Variants in TSC2 observed in about 807,000 individuals in gnomAD.
TSC2 encodes the protein tuberin.
In TSC2, 29 loss-of-function variants were observed where a neutral mutation model predicts 202.2. The observed-to-expected ratio is 0.14, with a 90% CI of 0.11 to 0.20. The LOEUF (loss-of-function observed/expected upper bound fraction) is 0.20, where lower values mean the gene tolerates loss of function less well. Among genes scored for constraint, TSC2 ranks in the 10% least tolerant of loss-of-function variants. The probability of loss-of-function intolerance (pLI) is 1.00; values close to 1 mark genes in which losing one functional copy is unlikely to be tolerated. For missense variants in TSC2, 2,429 were observed against 2,420.0 expected, an observed-to-expected ratio of 1.00 and a Z score of -0.08; for synonymous variants, 1,349 against 1,044.0, an observed-to-expected ratio of 1.29 and a Z score of -5.63.
At position 2,088,704 on chromosome 16, in the gene TSC2, C is replaced by CAGAT; in HGVS notation, c.*95_*98dup. 2 of 1,465,926 alleles carry CAGAT rather than the reference C, an allele frequency of 1.4e-6. No homozygotes were observed. Among genetic ancestry groups the CAGAT allele is most frequent in the Non-Finnish European group, 1.8e-6 (2 of 1,089,772 alleles). 90.8% of individuals were successfully genotyped at this position (1,465,926 alleles called of 1,614,324 possible). ...ACCCCAGTGCACAGACATAGAGGCA[C>CAGAT]AGATTGCAGTCAGACAGCTCTTTTA... On this transcript the variant is annotated 3_prime_UTR_variant, in exon 42 of 42. Coordinates refer to ENST00000219476, the MANE Select transcript of TSC2 (RefSeq NM_000548.5).
At chr16:2,071,038 C>T (rs1180461647) in intron 17 of TSC2, among the ~76,000 whole-genome samples, 2 of 151,630 alleles carry the variant, frequency 1.3e-5, no homozygotes, top group East Asian at 3.9e-4. Flanking sequence ...GCTGAGTTTG[C>T]GCTATAGATG....
rs533664674 is a variant in TSC2 at position 2,061,415 on chromosome 16, G to C, written c.1120-456G>C. ...GTCGCTGGGCCAGAGCATTGCCCCCGACCGCTGGTGGCAGTGGCAGAGGTC... is the reference window on the plus strand; with the variant it reads ...GTCGCTGGGCCAGAGCATTGCCCCCCACCGCTGGTGGCAGTGGCAGAGGTC... On this transcript the variant is annotated intron_variant, in intron 11 of 41. Transcript: ENST00000219476. 3 of 314,976 alleles carry C rather than the reference G, an allele frequency of 9.5e-6. No homozygotes were observed. In the East Asian group the frequency reaches 2.4e-4, roughly 25 times the overall value. The allele number at this position is 314,976 out of a possible 1,614,324, so 19.5% of individuals were successfully genotyped here. A position where few individuals can be genotyped will look rare whatever the true frequency, so the allele number is the denominator to read the frequency against.
At chr16:2,061,729 G>T in intron 11 of TSC2, 142 bp from the exon 12 acceptor site, 2 of 1,414,648 alleles carry the variant, frequency 1.4e-6, no homozygotes, top group East Asian at 2.3e-5. Flanking sequence ...TCAGAGGGCT[G>T]GGGGCGTCTG....
At chr16:2,085,969 G>T (rs2090733395) in intron 36 of TSC2, among the ~76,000 whole-genome samples, 1 of 152,158 alleles carries the variant, frequency 6.6e-6, no homozygotes, top group Admixed American at 6.5e-5. Flanking sequence ...TTTGAGTGTG[G>T]AGCTCCCTGA....
intron 10 of TSC2, among the ~76,000 whole-genome samples, chr16:2,060,099 C>T (rs953939425): frequency 2.0e-5 from 3 of 152,144 alleles, no homozygotes; most frequent in Non-Finnish European, 4.4e-5. Flanking sequence ...CTGGTCTTGT[C>T]CTGTCTCTGC....
chr16:2,088,830 G>A lies in TSC2; in HGVS notation c.*220G>A, dbSNP rs563951265. On this transcript the variant is annotated 3_prime_UTR_variant, in exon 42 of 42. Transcript: ENST00000219476. The stretch of plus-strand genomic sequence containing the variant: ...CACAGAAGCAGGCACAGCCAGCTCC[G>A]AGGGCCTTGAGGCTGCCTGGGCCAT... The A allele has an allele frequency of 2.1e-4, 130 of 618,828 alleles. No individual in the cohort carries two copies. Among genetic ancestry groups the A allele is most frequent in the Non-Finnish European group, 3.1e-4 (111 of 358,752 alleles). The allele number at this position is 618,828 out of a possible 1,614,324, so 38.3% of individuals were successfully genotyped here. A position where few individuals can be genotyped will look rare whatever the true frequency, so the allele number is the denominator to read the frequency against.
At chr16:2,074,546 G>A in intron 22 of TSC2, 157 bp downstream of exon 22, 1 of 896,296 alleles carries the variant, frequency 1.1e-6, no homozygotes, top group South Asian at 1.4e-5. Flanking sequence ...GCTGCCATGA[G>A]TGCTCTCCTT....
At chr16:2,087,482 A>T (rs1161538156) in intron 38 of TSC2, among the ~76,000 whole-genome samples, 1 of 61,938 alleles carries the variant, frequency 1.6e-5, no homozygotes, top group African/African-American at 8.2e-5. Context: ...CAAGACAACC[A>T]GTTGGGGGGG....
Position 2,079,105 on chromosome 16 carries a change from A to G in TSC2, c.3040A>G (p.Ser1014Gly), listed in dbSNP as rs1163007321. Residue 1014 changes from serine (S) to glycine (G), a missense_variant, in exon 27 of 42, where the codon AGC becomes GGC. By Grantham distance (56) the Ser-to-Gly change is moderately conservative. Transcript: ENST00000219476. The surrounding 1 kb of genome is among the most constrained non-coding windows in gnomAD (Gnocchi z 4.6). ...GAACTCCGTGGCCCAGGCTGACGAT[A>G]GCCTGAAAAACCTCCACCTGGAGCT... ...DENSVAQADD[S>G]LKNLHLELTE... is the part of the protein sequence containing the mutation. 1 of 1,613,058 alleles carries G rather than the reference A, an allele frequency of 6.2e-7. No homozygotes were observed. Among genetic ancestry groups the G allele is most frequent in the Non-Finnish European group, 8.5e-7 (1 of 1,180,022 alleles).
intron 10 of TSC2, among the ~76,000 whole-genome samples, chr16:2,059,128 A>G (rs952307711): frequency 4.7e-5 from 7 of 147,994 alleles, no homozygotes; most frequent in Non-Finnish European, 8.9e-5. Context: ...AAGTGATTCT[A>G]TTGCCTCAGA....
At chr16:2,055,203 G>T (rs961928879) in intron 5 of TSC2, 199 bp from the exon 6 acceptor site, 2 of 653,880 alleles carry the variant, frequency 3.1e-6, no homozygotes, top group Admixed American at 2.1e-5. Flanking sequence ...AGATCCTAGT[G>T]TCCGTGCGTA....
chr16:2,060,611 G>C, intron 10 of TSC2, 59 bp from the exon 11 acceptor site: 2 of 1,612,542 alleles, frequency 1.2e-6, no homozygotes, highest in South Asian at 2.2e-5. Flanking sequence ...TGACTGGGAG[G>C]GCGTCCCACA....
rs2151349705 is a variant in TSC2, at chr16:2,074,262, G to A, written c.2418G>A (p.Val806=). The change falls in exon 22 of 42, where the codon GTG becomes GTA. Residue 806 remains valine, a synonymous_variant. Transcript: ENST00000219476. ...ACCGCTGTGCCAGCCAGTGCGTCGTGGCCTTGTCCATCTGCAGCGTGGAGA... is the reference window on the plus strand; with the variant it reads ...ACCGCTGTGCCAGCCAGTGCGTCGTAGCCTTGTCCATCTGCAGCGTGGAGA... ...LIHRCASQCV[V]ALSICSVEMP... is the part of the protein sequence containing the mutation. The A allele has an allele frequency of 6.2e-7, 1 of 1,612,966 alleles. No homozygotes were observed. Among genetic ancestry groups the A allele is most frequent in the Non-Finnish European group, 8.5e-7 (1 of 1,180,032 alleles).
At chr16:2,068,376 C>A in intron 16 of TSC2, among the ~76,000 whole-genome samples, 1 of 152,118 alleles carries the variant, frequency 6.6e-6, no homozygotes, top group Non-Finnish European at 1.5e-5. Flanking sequence ...AAAAGTAACA[C>A]AGTTGACTCT....
intron 4 of TSC2, 64 bp downstream of exon 4, chr16:2,053,516 C>G: frequency 2.0e-6 from 3 of 1,480,558 alleles, no homozygotes; most frequent in Non-Finnish European, 2.7e-6. Flanking sequence ...CCTGTCCCTG[C>G]TGGGCCGTGT....
At chr16:2,087,455 T>G (rs1596449359) in intron 38 of TSC2, among the ~76,000 whole-genome samples, 7 of 96,472 alleles carry the variant, frequency 7.3e-5, no homozygotes, top group East Asian at 4.5e-4. Flanking sequence ...CATAGGGAGG[T>G]GGGCTCTGCT....
intron 34 of TSC2, 104 bp downstream of exon 34, chr16:2,084,819 G>A: frequency 6.3e-7 from 1 of 1,598,734 alleles, no homozygotes; most frequent in South Asian, 1.1e-5. Context: ...CCTCGCCTGT[G>A]CCCTAGGGCT....
chr16:2,060,362 G>A (rs1248705820), intron 10 of TSC2, among the ~76,000 whole-genome samples: 3 of 152,204 alleles, frequency 2.0e-5, no homozygotes, highest in Admixed American at 2.0e-4. Context: ...GCTTGCAGCC[G>A]AACTCAGGGC....
chr16:2,069,296 T>C lies in TSC2; in HGVS notation c.1717-1160T>C, dbSNP rs149208750. ...GCTTTTATGTCATAATATTTTGAGA[T>C]GAGGAGAAACTGTTAATCATTTAAT... On this transcript the variant is annotated intron_variant, in intron 16 of 41. Transcript: ENST00000219476. Among the ~76,000 whole-genome samples, 17 of 152,306 alleles carry C rather than the reference T, an allele frequency of 1.1e-4. No homozygotes were observed. The East Asian group carries it at 3.3e-3, about 29-fold the overall frequency.
Sources: gnomAD v4.1 joint callset for allele counts (sites outside exome capture counted in the v4.1 genomes callset) on GRCh38, gnomAD v4.1.1 for gene constraint, Gnocchi (gnomAD v3.1) non-coding constraint, MANE v1.5 for transcripts, NCBI Gene and HGNC (gene_info 2026-07-23, HGNC 2026-07-21) for gene names.